Variants in NPM2 observed in about 807,000 individuals in gnomAD.
The protein encoded by NPM2 is nucleoplasmin-2.
NPM2 carries 25 observed loss-of-function variants against 32.0 expected under a neutral mutation model. That is an observed-to-expected ratio of 0.78 (90% CI 0.57 to 1.09). The LOEUF is 1.09. NPM2 is among the 50% of genes least tolerant of loss of function. NPM2 has a pLI of 0.00. For synonymous variants in NPM2, 111 were observed against 94.2 expected, an observed-to-expected ratio of 1.18 and a Z score of -1.04; for missense variants, 282 against 259.9, an observed-to-expected ratio of 1.08 and a Z score of -0.58.
At chr8:22,036,454 A>T in intron 8 of NPM2, 39 bp from the exon 9 acceptor site, 1 of 1,589,954 alleles carries the variant, frequency 6.3e-7, no homozygotes, top group Non-Finnish European at 8.6e-7. Flanking sequence ...TCTCTCCCTG[A>T]CCCCAATCCC....
At chr8:22,034,775 G>C (rs546159854) in intron 8 of NPM2, among the ~76,000 whole-genome samples, 40 of 152,182 alleles carry the variant, frequency 2.6e-4, no homozygotes, top group Admixed American at 7.2e-4. Context: ...TCCTTCCACA[G>C]AATTCCATCC....
intron 5 of NPM2, among the ~76,000 whole-genome samples, chr8:22,032,557 G>A (rs1800473853): frequency 6.6e-6 from 1 of 152,154 alleles, no homozygotes; most frequent in Non-Finnish European, 1.5e-5. Flanking sequence ...ACAGACTGGA[G>A]GGCTTTAGCA....
At position 22,034,047 on chromosome 8, in the gene NPM2, G is replaced by A. The variant is rs189956060; in HGVS notation, c.365-62G>A. 16 of 1,534,778 alleles carry A rather than the reference G, an allele frequency of 1.0e-5. No individual in the cohort carries two copies. In the Admixed American group the frequency reaches 3.0e-4, roughly 29 times the overall value. ...GAGCAACACGGATCACAGAATGGGA[G>A]GTGGGCATTGATTCTGTAGCTCTGA... On this transcript the variant is annotated intron_variant, in intron 6 of 9. Coordinates refer to ENST00000518119, the MANE Select transcript of NPM2 (RefSeq NM_001286680.2).
At chr8:22,031,957 C>T (rs1459519573) in intron 5 of NPM2, among the ~76,000 whole-genome samples, 1 of 152,236 alleles carries the variant, frequency 6.6e-6, no homozygotes, top group African/African-American at 2.4e-5. Context: ...CACTGAATTA[C>T]ATCCTCTCTG....
chr8:22,027,360 C>A (rs1051510651), intron 5 of NPM2, among the ~76,000 whole-genome samples: 1 of 152,152 alleles, frequency 6.6e-6, no homozygotes, highest in African/African-American at 2.4e-5. Flanking sequence ...CTCATCCTTT[C>A]CTGTGGTTTT....
chr8:22,025,653 T>C lies in NPM2; in HGVS notation c.151T>C (p.Leu51=). The change falls in exon 5 of 10, where the codon TTG becomes CTG. Residue 51 remains leucine, a synonymous_variant. Coordinates refer to ENST00000518119, the MANE Select transcript of NPM2 (RefSeq NM_001286680.2). ...TATTTTCAACCCCGCTCAGATTTGC[T>C]TGGGGGAGAAAGCCAAAGAGGAGAT... ...SCRLLLHTIC[L]GEKAKEEMHR... is the part of the protein sequence containing the mutation. 2.5e-6 allele frequency: 4 copies of C among 1,614,144 alleles called. No homozygotes were observed. Among genetic ancestry groups the C allele is most frequent in the Non-Finnish European group, 3.4e-6 (4 of 1,180,010 alleles).
intron 5 of NPM2, among the ~76,000 whole-genome samples, chr8:22,025,997 G>T (rs1434394777): frequency 1.3e-5 from 2 of 152,084 alleles, no homozygotes; most frequent in African/African-American, 4.8e-5. Context: ...TAAACCAGGG[G>T]TCCCCAACTG....
At chr8:22,029,233 C>T (rs1382417965) in intron 5 of NPM2, among the ~76,000 whole-genome samples, 4 of 152,038 alleles carry the variant, frequency 2.6e-5, no homozygotes, top group African/African-American at 9.7e-5. Context: ...CTCTGCTTCC[C>T]AGGTGATTCA....
chr8:22,035,526 A>T (rs1800590839), intron 8 of NPM2, among the ~76,000 whole-genome samples: 1 of 152,222 alleles, frequency 6.6e-6, no homozygotes, highest in Non-Finnish European at 1.5e-5. Flanking sequence ...CTCCTGCCTC[A>T]GCCTCCCAAA....
intron 5 of NPM2, among the ~76,000 whole-genome samples, chr8:22,027,826 C>T (rs1211440349): frequency 6.6e-5 from 10 of 152,090 alleles, no homozygotes; most frequent in Admixed American, 4.6e-4. Flanking sequence ...AGGCTGGTCT[C>T]GAACTCCTGA....
At chr8:22,025,409 C>G in intron 3 of NPM2, 27 bp from the exon 4 acceptor site, 1 of 1,610,296 alleles carries the variant, frequency 6.2e-7, no homozygotes, top group Non-Finnish European at 8.5e-7. Context: ...ATGGAGGGCC[C>G]CACTTCCCTC....
Position 22,029,996 on chromosome 8 carries a change from C to G in NPM2, c.271-3134C>G, listed in dbSNP as rs181556990. 6.6e-5 allele frequency among the ~76,000 whole-genome samples: 10 copies of G among 152,240 alleles called. No individual in the cohort carries two copies. In the East Asian group the frequency reaches 1.5e-3, roughly 23 times the overall value. On this transcript the variant is annotated intron_variant, in intron 5 of 9. Transcript: ENST00000518119. ...AGACATGAGGATCTATGTCTTTGAT[C>G]AATTCTGGAAAATTATTGGTTGTTT...
chr8:22,034,596 G>GTATTCTTTCTAACAC, intron 8 of NPM2, 52 bp downstream of exon 8: 5 of 1,433,886 alleles, frequency 3.5e-6, no homozygotes, highest in Non-Finnish European at 4.9e-6. Flanking sequence ...GAGATATACA[G>GTATTCTTTCTAACAC]TGTTAGAAAG....
At chr8:22,030,791 G>A (rs28416051) in intron 5 of NPM2, among the ~76,000 whole-genome samples, 2 of 151,912 alleles carry the variant, frequency 1.3e-5, no homozygotes, top group African/African-American at 2.4e-5. Context: ...GCGATCTTCC[G>A]GCCTCAGCCC....
At chr8:22,025,183 G>A (rs1383317594) in intron 2 of NPM2, 33 bp from the exon 3 acceptor site, 2 of 1,559,712 alleles carry the variant, frequency 1.3e-6, no homozygotes, top group East Asian at 2.3e-5. Context: ...CAGGGTCAGG[G>A]AGCAAGGCCT....
intron 8 of NPM2, 131 bp from the exon 9 acceptor site, chr8:22,036,362 C>T (rs374232176): frequency 1.9e-5 from 15 of 792,290 alleles, no homozygotes; most frequent in African/African-American, 5.3e-5. Flanking sequence ...TTAAAGAGTC[C>T]GAGTGGTCCC....
chr8:22,027,618 T>TCC (rs1162545621), intron 5 of NPM2, among the ~76,000 whole-genome samples: 3 of 151,208 alleles, frequency 2.0e-5, no homozygotes, highest in South Asian at 2.1e-4. Context: ...TTTTTTTTTT[T>TCC]CCCCTGAGAT....
intron 4 of NPM2, 35 bp from the exon 5 acceptor site, chr8:22,025,612 G>A (rs760116368): frequency 1.2e-6 from 2 of 1,614,150 alleles, no homozygotes; most frequent in South Asian, 1.1e-5. Context: ...CGGCCCTCAG[G>A]GTGATGAGGG....
At chr8:22,025,069 G>T (rs1800188669) in intron 2 of NPM2, 147 bp from the exon 3 acceptor site, 1 of 614,314 alleles carries the variant, frequency 1.6e-6, no homozygotes, top group South Asian at 2.2e-5. Context: ...CGTCCTCCAG[G>T]AGTTGCCGGT....
Sources: gnomAD v4.1 joint callset for allele counts (sites outside exome capture counted in the v4.1 genomes callset) on GRCh38, gnomAD v4.1.1 for gene constraint, MANE v1.5 for transcripts, NCBI Gene and HGNC (gene_info 2026-07-23, HGNC 2026-07-21) for gene names.